MYLK4: variants seen among roughly 807,000 people sequenced by gnomAD.
MYLK4 encodes myosin light chain kinase family member 4, also known as caMLCK like.
MYLK4 carries 46 observed loss-of-function variants against 48.1 expected under a neutral mutation model. The ratio of observed to expected loss-of-function variants is 0.96; its 90% CI spans 0.75 to 1.22. MYLK4 has a LOEUF of 1.22. Among genes scored for constraint, MYLK4 ranks in the 50% most tolerant of loss-of-function variants. The probability of loss-of-function intolerance (pLI) is 0.00; values close to 1 mark genes in which losing one functional copy is unlikely to be tolerated. For synonymous variants in MYLK4, 170 were observed against 180.8 expected (o/e 0.94, Z 0.48); for missense variants, 451 against 486.1 (o/e 0.93, Z 0.68).
intron 2 of MYLK4, among the ~76,000 whole-genome samples, chr6:2,713,743 T>C (rs1032705904): frequency 5.3e-5 from 8 of 152,200 alleles, no homozygotes; most frequent in African/African-American, 1.9e-4. Flanking sequence ...GGCCAGGTGG[T>C]ACAGCCAGTA....
chr6:2,713,566 C>T (rs944228477), intron 2 of MYLK4, among the ~76,000 whole-genome samples: 1 of 152,070 alleles, frequency 6.6e-6, no homozygotes, highest in Admixed American at 6.6e-5. Context: ...AAATAGGAGT[C>T]GCATCCATGC....
At chr6:2,720,634 A>G (rs1763036469) in intron 2 of MYLK4, among the ~76,000 whole-genome samples, 1 of 152,180 alleles carries the variant, frequency 6.6e-6, no homozygotes, top group South Asian at 2.1e-4. Flanking sequence ...TCACAAGAAT[A>G]GGATTCGTGT....
In MYLK4 at chr6:2,679,358, A is replaced by G; in HGVS notation, c.809T>C (p.Leu270Pro). Residue 270 changes from leucine to proline, a missense_variant, in exon 9 of 13, where the codon CTC becomes CCC. Leu to Pro is a moderately conservative substitution (Grantham distance 98, BLOSUM62 -3). Coordinates refer to ENST00000274643, the MANE Select transcript of MYLK4 (RefSeq NM_001012418.5). ...LKVNFGTPEF[L>P]APEVVNYDFV... The stretch of plus-strand genomic sequence containing the variant: ...ATCATAGTTCACAACTTCAGGGGCG[A>G]GAAATTCTGGGGTTCCAAAGTTCAC... 6.2e-7 allele frequency: 1 copy of G among 1,614,180 alleles called. No individual in the cohort carries two copies.
chr6:2,730,397 C>A (rs1242025188), intron 2 of MYLK4, among the ~76,000 whole-genome samples: 1 of 152,196 alleles, frequency 6.6e-6, no homozygotes, highest in African/African-American at 2.4e-5. Context: ...GTGGTTGAAC[C>A]TGAAAATTCC....
intron 2 of MYLK4, among the ~76,000 whole-genome samples, chr6:2,710,876 A>T (rs906521091): frequency 2.0e-5 from 3 of 152,244 alleles, no homozygotes; most frequent in Non-Finnish European, 2.9e-5. Context: ...ACAGTAGCTT[A>T]TACTATCACC....
upstream of MYLK4, among the ~76,000 whole-genome samples, chr6:2,751,606 G>T (rs1470370329): frequency 6.6e-6 from 1 of 152,150 alleles, no homozygotes; most frequent in African/African-American, 2.4e-5. Flanking sequence ...TTGCCCAGAG[G>T]CTGGACTTTG....
intron 2 of MYLK4, among the ~76,000 whole-genome samples, chr6:2,731,537 C>A (rs1763480609): frequency 6.6e-6 from 1 of 152,168 alleles, no homozygotes; most frequent in Non-Finnish European, 1.5e-5. Flanking sequence ...GAAACTTCAC[C>A]TGCTCAGAGA....
At chr6:2,733,869 G>C (rs960390434) in intron 2 of MYLK4, among the ~76,000 whole-genome samples, 1 of 152,092 alleles carries the variant, frequency 6.6e-6, no homozygotes, top group South Asian at 2.1e-4. Context: ...GGCACTAGGG[G>C]AACCTCGCAA....
At chr6:2,727,665 A>G (rs1763324190) in intron 2 of MYLK4, among the ~76,000 whole-genome samples, 2 of 152,128 alleles carry the variant, frequency 1.3e-5, no homozygotes, top group South Asian at 4.1e-4. Context: ...CATCATTATT[A>G]TTAATAATAG....
intron 11 of MYLK4, 78 bp from the exon 12 acceptor site, chr6:2,671,426 A>G: frequency 7.5e-7 from 1 of 1,339,464 alleles, no homozygotes. Flanking sequence ...ACATGAAAAG[A>G]CAATCACTTG....
rs578015062 is a variant in MYLK4, at chr6:2,749,355, C to T, written c.-61G>A. On this transcript the variant is annotated 5_prime_UTR_variant, in exon 2 of 13. Transcript: ENST00000274643. ...TGTGGTTTTCGTCTCCCTCTGTCTC[C>T]GATTTATAAATCAGGACACAATTAT... is the stretch of plus-strand genomic sequence containing the variant. 1.8e-5 allele frequency: 25 copies of T among 1,365,594 alleles called. No individual in the cohort carries two copies. The highest frequency in any genetic ancestry group is 4.6e-5 in the East Asian group (2 of 43,456). 84.6% of individuals were successfully genotyped at this position (1,365,594 alleles called of 1,614,324 possible).
intron 2 of MYLK4, among the ~76,000 whole-genome samples, chr6:2,744,462 T>C (rs1764005310): frequency 6.6e-6 from 1 of 152,194 alleles, no homozygotes; most frequent in East Asian, 1.9e-4. Flanking sequence ...GAAATGCAAC[T>C]TGAAAAATCA....
At chr6:2,718,562 C>T (rs1762952262) in intron 2 of MYLK4, among the ~76,000 whole-genome samples, 1 of 152,188 alleles carries the variant, frequency 6.6e-6, no homozygotes, top group Non-Finnish European at 1.5e-5. Context: ...CCAGCAGCCA[C>T]TTTGGGACCA....
At chr6:2,680,596 T>C in intron 7 of MYLK4, 5 of 985,126 alleles carry the variant, frequency 5.1e-6, no homozygotes, top group Non-Finnish European at 6.0e-6. Flanking sequence ...CCTTCCCAAA[T>C]GTGCTGTGGA....
At position 2,733,631 on chromosome 6, in the gene MYLK4, T is replaced by C. The variant is rs549500763; in HGVS notation, c.159+15505A>G. Among the ~76,000 whole-genome samples the C allele has an allele frequency of 1.1e-4, 16 of 152,316 alleles. No individual in the cohort carries two copies. In the South Asian group the frequency reaches 3.1e-3, roughly 30 times the overall value. The stretch of plus-strand genomic sequence containing the variant: ...CAAATGTTTTAAAATTTAATACGTT[T>C]TTTATTATAAGGTCTAACCAATCCC... On this transcript the variant is annotated intron_variant, in intron 2 of 12. Coordinates refer to ENST00000274643, the MANE Select transcript of MYLK4 (RefSeq NM_001012418.5).
chr6:2,751,485 G>A (rs1764285736), upstream of MYLK4, among the ~76,000 whole-genome samples: 1 of 152,190 alleles, frequency 6.6e-6, no homozygotes, highest in Non-Finnish European at 1.5e-5. Context: ...AGCAACACTA[G>A]GACTTCATCC....
chr6:2,737,081 G>A lies in MYLK4; in HGVS notation c.159+12055C>T, dbSNP rs376165909. Among the ~76,000 whole-genome samples the A allele has an allele frequency of 5.0e-4, 76 of 152,262 alleles. 1 individual carries two copies. The South Asian group carries it at 7.5e-3, about 15-fold the overall frequency. ...TGTAATCCCAGCACTTTGGGAGGCCGAGGTGGGCAGATCACGAGGTCAAGA... is the reference window on the plus strand; with the variant it reads ...TGTAATCCCAGCACTTTGGGAGGCCAAGGTGGGCAGATCACGAGGTCAAGA... On this transcript the variant is annotated intron_variant, in intron 2 of 12. Coordinates refer to ENST00000274643, the MANE Select transcript of MYLK4 (RefSeq NM_001012418.5).
At chr6:2,721,851 A>G (rs1256220392) in intron 2 of MYLK4, among the ~76,000 whole-genome samples, 1 of 152,242 alleles carries the variant, frequency 6.6e-6, no homozygotes, top group African/African-American at 2.4e-5. Context: ...ACTTCTCAAC[A>G]GCTGCATGAA....
At chr6:2,757,426 A>T in the MYLK4 span, among the ~76,000 whole-genome samples, 1 of 152,194 alleles carries the variant, frequency 6.6e-6, no homozygotes, top group Non-Finnish European at 1.5e-5. Context: ...TCTGATTTTT[A>T]TGGAAGGCAA....
Sources: gnomAD v4.1 joint callset for allele counts (sites outside exome capture counted in the v4.1 genomes callset) on GRCh38, gnomAD v4.1.1 for gene constraint, MANE v1.5 for transcripts, NCBI Gene and HGNC (gene_info 2026-07-23, HGNC 2026-07-21) for gene names.